CNTN6: variants seen among roughly 807,000 people sequenced by gnomAD.
CNTN6 encodes the protein contactin 6.
Under a neutral mutation model 122.8 loss-of-function variants are expected in CNTN6, and 137 were observed. The observed-to-expected ratio is 1.12, with a 90% CI of 0.97 to 1.29. The LOEUF (loss-of-function observed/expected upper bound fraction) is 1.29. Among genes scored for constraint, CNTN6 ranks in the 50% most tolerant of loss-of-function variants. The pLI is 0.00. For synonymous variants in CNTN6, 570 were observed against 426.0 expected, an observed-to-expected ratio of 1.34 and a Z score of -4.16; for missense variants, 1,634 against 1,223.4, an observed-to-expected ratio of 1.34 and a Z score of -5.01.
At chr3:1,393,542 A>AAACTT (rs1403647224) in intron 20 of CNTN6, among the ~76,000 whole-genome samples, 7 of 128,194 alleles carry the variant, frequency 5.5e-5, no homozygotes, top group African/African-American at 1.9e-4. Flanking sequence ...ATGTACCCTA[A>AAACTT]AACTTAAAGA....
Position 1,372,409 on chromosome 3 carries a change from T to C in CNTN6, c.1603T>C (p.Trp535Arg), listed in dbSNP as rs1709170080. ...HDPSIEVVFV[W>R]FFNGDVIDLK... ...CCCCTCCATTGAAGTGGTATTTGTA[T>C]GGTTTTTCAATGGAGATGTCATAGA... The change falls in exon 13 of 23, where the codon TGG becomes CGG. Residue 535 changes from tryptophan to arginine, a missense_variant. Trp to Arg is a moderately radical substitution (Grantham distance 101). Transcript: ENST00000446702. 3 of 1,613,402 alleles carry C rather than the reference T, an allele frequency of 1.9e-6. No individual in the cohort carries two copies. Among genetic ancestry groups the C allele is most frequent in the Non-Finnish European group, 1.7e-6 (2 of 1,179,594 alleles).
At chr3:1,169,202 A>T (rs2093316182) in intron 2 of CNTN6, among the ~76,000 whole-genome samples, 1 of 152,250 alleles carries the variant, frequency 6.6e-6, no homozygotes, top group Admixed American at 6.5e-5. Flanking sequence ...CAATTGGCAG[A>T]GGATTTGTTC....
chr3:1,176,450 A>T (rs2093450166), intron 2 of CNTN6, among the ~76,000 whole-genome samples: 1 of 152,182 alleles, frequency 6.6e-6, no homozygotes, highest in African/African-American at 2.4e-5. Flanking sequence ...TGTTTGATTC[A>T]ACCTGGTTAG....
At chr3:1,375,122 A>G (rs1474169258) in intron 16 of CNTN6, among the ~76,000 whole-genome samples, 1 of 152,078 alleles carries the variant, frequency 6.6e-6, no homozygotes, top group African/African-American at 2.4e-5. Flanking sequence ...GTGTGTAAAT[A>G]TAGAAATTCC....
intron 1 of CNTN6, among the ~76,000 whole-genome samples, chr3:1,140,127 T>A (rs1241962369): frequency 6.6e-6 from 1 of 152,232 alleles, no homozygotes; most frequent in African/African-American, 2.4e-5. Context: ...ATTTGTCCAA[T>A]GAATAAGTAT....
At chr3:1,139,756 A>T (rs1333115724) in intron 1 of CNTN6, among the ~76,000 whole-genome samples, 1 of 152,128 alleles carries the variant, frequency 6.6e-6, no homozygotes, top group African/African-American at 2.4e-5. Context: ...AAGGGAAGTG[A>T]CTTACAGAAA....
intron 1 of CNTN6, among the ~76,000 whole-genome samples, chr3:1,132,061 A>T (rs541631150): frequency 2.0e-5 from 3 of 152,108 alleles, no homozygotes; most frequent in East Asian, 3.9e-4. Flanking sequence ...GTGCTTTTCT[A>T]TATGCATTTA....
At chr3:1,204,258 A>C (rs921053128) in intron 2 of CNTN6, among the ~76,000 whole-genome samples, 2 of 152,218 alleles carry the variant, frequency 1.3e-5, no homozygotes, top group Admixed American at 6.5e-5. Flanking sequence ...AATAGGTTTT[A>C]CAGCATTTCT....
At chr3:1,389,873 C>A (rs1174537386) in intron 20 of CNTN6, among the ~76,000 whole-genome samples, 655 of 151,606 alleles carry the variant, frequency 4.3e-3, no homozygotes, top group Non-Finnish European at 7.0e-3. Flanking sequence ...TCCTAAATAT[C>A]TATGCACCCA....
chr3:1,226,500 G>T (rs570559274), intron 3 of CNTN6, among the ~76,000 whole-genome samples: 6 of 152,160 alleles, frequency 3.9e-5, no homozygotes, highest in Admixed American at 1.3e-4. Flanking sequence ...TATTCCAGAG[G>T]TATCATTTCT....
At chr3:1,388,441 A>G (rs1693520603) in intron 20 of CNTN6, among the ~76,000 whole-genome samples, 1 of 151,232 alleles carries the variant, frequency 6.6e-6, no homozygotes, top group Non-Finnish European at 1.5e-5. Flanking sequence ...CCAAAAGTAG[A>G]TAAAAACCAC....
intron 2 of CNTN6, among the ~76,000 whole-genome samples, chr3:1,196,692 A>C (rs370790616): frequency 6.6e-6 from 1 of 152,236 alleles, no homozygotes; most frequent in Non-Finnish European, 1.5e-5. Flanking sequence ...TTCATACTCA[A>C]TAAAGTGTCT....
chr3:1,303,533 T>G (rs1271753333), intron 7 of CNTN6, among the ~76,000 whole-genome samples: 1 of 152,192 alleles, frequency 6.6e-6, no homozygotes, highest in Non-Finnish European at 1.5e-5. Context: ...AGAGACTCTT[T>G]CCTAAATAGC....
intron 6 of CNTN6, among the ~76,000 whole-genome samples, chr3:1,297,638 CT>C (rs71303106): frequency 0.09 from 12,515 of 138,386 alleles, 876 homozygotes; most frequent in African/African-American, 0.2. Flanking sequence ...TTGTTTTTTT[CT>C]TTTTTTTTTT....
intron 12 of CNTN6, among the ~76,000 whole-genome samples, chr3:1,358,514 A>C (rs1328065158): frequency 6.6e-6 from 1 of 151,794 alleles, no homozygotes; most frequent in East Asian, 2.0e-4. Context: ...ACTTCCCCAG[A>C]AGCAAGCTAT....
chr3:1,167,578 A>C (rs1293989368), intron 2 of CNTN6, among the ~76,000 whole-genome samples: 1 of 128,180 alleles, frequency 7.8e-6, no homozygotes, highest in African/African-American at 3.3e-5. Context: ...CACTCTTTTA[A>C]TCTCCCAGGT....
intron 4 of CNTN6, among the ~76,000 whole-genome samples, chr3:1,274,735 G>A (rs1024645151): frequency 2.0e-5 from 3 of 152,118 alleles, no homozygotes; most frequent in African/African-American, 7.2e-5. Context: ...TTTTAGATTA[G>A]TGTATCTGAA....
Position 1,201,099 on chromosome 3 carries a change from T to TGTGTGTG in CNTN6, c.56-19588_56-19587insGTGTGTG, listed in dbSNP as rs2093862065. ...GGCACCACTGTGCCCAGCTAACATT[T>TGTGTGTG]TGTGTGTGTGTGTGTGTGTGTGTGT... is the stretch of plus-strand genomic sequence containing the variant. On this transcript the variant is annotated intron_variant, in intron 2 of 22. Coordinates refer to ENST00000446702, the MANE Select transcript of CNTN6 (RefSeq NM_001289080.2). 8.9e-4 allele frequency among the ~76,000 whole-genome samples: 116 copies of TGTGTGTG among 130,088 alleles called. 1 individual carries two copies. Among genetic ancestry groups the TGTGTGTG allele is most frequent in the Middle Eastern group, 7.9e-3 (2 of 252 alleles). 85.3% of individuals were successfully genotyped at this position (130,088 alleles called of 152,430 possible). A position where few individuals can be genotyped will look rare whatever the true frequency, so the allele number is the denominator to read the frequency against.
chr3:1,288,548 G>T (rs1694744532), intron 5 of CNTN6, among the ~76,000 whole-genome samples: 1 of 152,006 alleles, frequency 6.6e-6, no homozygotes, highest in Non-Finnish European at 1.5e-5. Flanking sequence ...TCCAAAGGGG[G>T]GATTTACCCA....
Sources: allele counts gnomAD v4.1 joint callset (sites outside exome capture counted in the v4.1 genomes callset), GRCh38; gene constraint gnomAD v4.1.1; transcripts MANE v1.5; gene names NCBI Gene and HGNC (gene_info 2026-07-23, HGNC 2026-07-21).